The following ERC2 variants were observed in gnomAD, a reference collection of about 807,000 sequenced individuals.
ERC2 encodes the protein ELKS/RAB6-interacting/CAST family member 2.
A neutral mutation model predicts 114.8 loss-of-function variants in ERC2; 42 were observed. The observed-to-expected ratio is 0.37, with a 90% CI of 0.29 to 0.47. The LOEUF (loss-of-function observed/expected upper bound fraction) is 0.47, where lower values mean the gene tolerates loss of function less well. ERC2 is among the 20% of genes least tolerant of loss of function. ERC2 has a pLI of 0.99. For synonymous variants in ERC2, 454 were observed against 425.5 expected (o/e 1.07, Z -0.82); for missense variants, 939 against 1,150.7 (o/e 0.82, Z 2.66).
chr3:56,278,320 C>T (rs2054139701), intron 3 of ERC2, among the ~76,000 whole-genome samples: 1 of 152,164 alleles, frequency 6.6e-6, no homozygotes, highest in African/African-American at 2.4e-5. Context: ...GACCTTTGTC[C>T]AATCATGCGA....
chr3:55,647,297 G>T (rs1308659604), intron 17 of ERC2: 1 of 152,138 alleles, frequency 6.6e-6, no homozygotes, highest in African/African-American at 2.4e-5. Flanking sequence ...TGTGAAAGCC[G>T]AACTAAGTTC....
At chr3:55,917,907 G>A (rs1374073094) in intron 13 of ERC2, among the ~76,000 whole-genome samples, 1 of 151,860 alleles carries the variant, frequency 6.6e-6, no homozygotes, top group Admixed American at 6.6e-5. Flanking sequence ...TACAAATAAA[G>A]ACACTATCTG....
chr3:56,063,225 G>C (rs372811657), intron 7 of ERC2, among the ~76,000 whole-genome samples: 7 of 152,326 alleles, frequency 4.6e-5, no homozygotes, highest in African/African-American at 1.7e-4. Context: ...GCTGGGGAGA[G>C]AGATTGACCA....
At chr3:55,945,486 T>C (rs1348672787) in intron 13 of ERC2, among the ~76,000 whole-genome samples, 3 of 152,224 alleles carry the variant, frequency 2.0e-5, no homozygotes, top group African/African-American at 4.8e-5. Context: ...ATACACGTCC[T>C]TCTGCAAAGA....
intron 2 of ERC2, among the ~76,000 whole-genome samples, chr3:56,391,573 G>A (rs2060129938): frequency 6.6e-6 from 1 of 152,160 alleles, no homozygotes; most frequent in African/African-American, 2.4e-5. Flanking sequence ...CGTTTAAGAT[G>A]AGTATTAGCA....
chr3:56,336,744 C>G (rs2057869275), intron 2 of ERC2, among the ~76,000 whole-genome samples: 2 of 152,112 alleles, frequency 1.3e-5, no homozygotes, highest in Admixed American at 6.6e-5. Flanking sequence ...TTGCAGTGAG[C>G]CAAGATCACG....
intron 2 of ERC2, among the ~76,000 whole-genome samples, chr3:56,418,432 A>C (rs1004879259): frequency 6.6e-6 from 1 of 152,188 alleles, no homozygotes; most frequent in Non-Finnish European, 1.5e-5. Context: ...TACTACAGTC[A>C]ATCCTGACAC....
intron 17 of ERC2, among the ~76,000 whole-genome samples, chr3:55,619,690 AC>A (rs2059254275): frequency 6.6e-6 from 1 of 152,350 alleles, no homozygotes; most frequent in Non-Finnish European, 1.5e-5. Context: ...GTAGACATGT[AC>A]AAAAATTTCA....
intron 17 of ERC2, among the ~76,000 whole-genome samples, chr3:55,626,361 C>T (rs944985183): frequency 3.3e-5 from 5 of 152,128 alleles, no homozygotes; most frequent in South Asian, 4.2e-4. Flanking sequence ...GTAAGGACCC[C>T]GGATCCTTTA....
At chr3:55,940,340 C>G (rs1467504668) in intron 13 of ERC2, among the ~76,000 whole-genome samples, 1 of 152,070 alleles carries the variant, frequency 6.6e-6, no homozygotes, top group African/African-American at 2.4e-5. Flanking sequence ...AGACTAAAAC[C>G]CAGATCCCCT....
chr3:56,400,909 C>A (rs1300196379), intron 2 of ERC2, among the ~76,000 whole-genome samples: 1 of 152,138 alleles, frequency 6.6e-6, no homozygotes, highest in Non-Finnish European at 1.5e-5. Flanking sequence ...ACCCCAACAC[C>A]CATACTGTGA....
chr3:55,767,328 G>C (rs2149012941), intron 14 of ERC2, among the ~76,000 whole-genome samples: 1 of 152,266 alleles, frequency 6.6e-6, no homozygotes, highest in East Asian at 1.9e-4. Flanking sequence ...TAACATATCT[G>C]CCAGCTCCAA....
rs147546513 is a variant in ERC2 at position 55,641,419 on chromosome 3, G to A, written c.*39+42375C>T. 5.7e-4 allele frequency among the ~76,000 whole-genome samples: 86 copies of A among 151,850 alleles called. 1 individual carries two copies. The East Asian group carries it at 0.014, about 24-fold the overall frequency. The stretch of plus-strand genomic sequence containing the variant: ...AATAAAATTAGCTGGGCATGGTGGC[G>A]TGCACCTGTAATCCAAGCTACTCAG... On this transcript the variant is annotated intron_variant, in intron 17 of 17. Coordinates refer to ENST00000288221, the MANE Select transcript of ERC2 (RefSeq NM_015576.3).
chr3:56,207,069 T>C lies in ERC2; in HGVS notation c.1075-33549A>G, dbSNP rs112041092. ...ATTTAGAATACGAGAAACATGGAGA[T>C]AGGAAGATTATCATTAGTTGCGGCT... On this transcript the variant is annotated intron_variant, in intron 3 of 17. Coordinates refer to ENST00000288221, the MANE Select transcript of ERC2 (RefSeq NM_015576.3). 2.8e-3 allele frequency among the ~76,000 whole-genome samples: 425 copies of C among 152,246 alleles called. 1 individual carries two copies. The highest frequency in any genetic ancestry group is 9.9e-3 in the African/African-American group (411 of 41,554).
intron 2 of ERC2, among the ~76,000 whole-genome samples, chr3:56,330,046 A>G (rs558030724): frequency 1.4e-3 from 204 of 148,932 alleles, no homozygotes; most frequent in Non-Finnish European, 2.5e-3. Flanking sequence ...AGCTACCTTA[A>G]GAGAGAGAGA....
chr3:55,792,284 C>A lies in ERC2; in HGVS notation c.2565-57366G>T, dbSNP rs761416028. Among the ~76,000 whole-genome samples the A allele has an allele frequency of 2.5e-3, 373 of 152,154 alleles. 1 individual carries two copies. The highest frequency in any genetic ancestry group is 3.0e-3 in the Non-Finnish European group (202 of 68,026). On this transcript the variant is annotated intron_variant, in intron 14 of 17. Coordinates refer to ENST00000288221, the MANE Select transcript of ERC2 (RefSeq NM_015576.3). ...AACTGAAAAATTAGAAAAGAAACCC[C>A]TAACCTTTCCAATAATGGGAACAGG...
chr3:55,576,634 C>T (rs1466454576), intron 17 of ERC2, among the ~76,000 whole-genome samples: 3 of 152,318 alleles, frequency 2.0e-5, no homozygotes, highest in African/African-American at 4.8e-5. Context: ...CTCTGAACTC[C>T]GAGCCAAGCC....
chr3:55,854,392 T>TTTGGC (rs1197739075), intron 14 of ERC2, among the ~76,000 whole-genome samples: 4 of 152,108 alleles, frequency 2.6e-5, no homozygotes, highest in Non-Finnish European at 4.4e-5. Context: ...TTGGTTTTGG[T>TTTGGC]TTGGTTTGGT....
At chr3:55,659,034 A>G (rs1361784225) in intron 17 of ERC2, 1 of 152,630 alleles carries the variant, frequency 6.6e-6, no homozygotes, top group Non-Finnish European at 1.5e-5. Context: ...CTTCTCAGAA[A>G]ACAAGGAAAG....
Sources: allele counts gnomAD v4.1 joint callset (sites outside exome capture counted in the v4.1 genomes callset), GRCh38; gene constraint gnomAD v4.1.1; transcripts MANE v1.5; gene names NCBI Gene and HGNC (gene_info 2026-07-23, HGNC 2026-07-21).